BMP7: variants seen among roughly 807,000 people sequenced by gnomAD.
BMP7 encodes osteogenic protein 1.
BMP7 carries 12 observed loss-of-function variants against 41.2 expected under a neutral mutation model. The ratio of observed to expected loss-of-function variants is 0.29; its 90% CI spans 0.19 to 0.47. The LOEUF is 0.47. Ranked by LOEUF, BMP7 falls within the 20% of genes least tolerant of loss-of-function variation. BMP7 has a pLI of 0.99. For synonymous variants in BMP7, 248 were observed against 250.0 expected (o/e 0.99, Z 0.07); for missense variants, 467 against 606.0 (o/e 0.77, Z 2.41).
intron 1 of BMP7, among the ~76,000 whole-genome samples, chr20:57,245,013 C>T (rs2066084162): frequency 6.6e-6 from 1 of 152,230 alleles, no homozygotes; most frequent in South Asian, 2.1e-4. Context: ...TCTGCCTTTC[C>T]TCCATGCCCA....
intron 1 of BMP7, among the ~76,000 whole-genome samples, chr20:57,248,607 A>G (rs1229149305): frequency 6.6e-6 from 1 of 152,032 alleles, no homozygotes; most frequent in Non-Finnish European, 1.5e-5. Flanking sequence ...GAATTTGAGG[A>G]TGGTGGTAGG....
At chr20:57,178,349 G>A (rs554233084) in intron 4 of BMP7, among the ~76,000 whole-genome samples, 3 of 152,258 alleles carry the variant, frequency 2.0e-5, no homozygotes, top group African/African-American at 7.2e-5. Flanking sequence ...AGATCTGCGT[G>A]GCTGGAACCA....
intron 1 of BMP7, among the ~76,000 whole-genome samples, chr20:57,255,410 T>A (rs1166342915): frequency 6.6e-6 from 1 of 152,124 alleles, no homozygotes; most frequent in Non-Finnish European, 1.5e-5. Context: ...CCCTCTGAGG[T>A]CTACAATCCA....
intron 2 of BMP7, among the ~76,000 whole-genome samples, chr20:57,221,674 A>C (rs1434584588): frequency 1.3e-5 from 2 of 152,096 alleles, no homozygotes; most frequent in Non-Finnish European, 2.9e-5. Flanking sequence ...AGCCAGACAT[A>C]GTGGTGTGTT....
At chr20:57,188,839 G>GT (rs1984282476) in intron 3 of BMP7, among the ~76,000 whole-genome samples, 2 of 152,224 alleles carry the variant, frequency 1.3e-5, no homozygotes, top group Non-Finnish European at 2.9e-5. Context: ...ACTTTGCAAA[G>GT]GAGGAACAAG....
chr20:57,244,590 C>A (rs1223697793), intron 1 of BMP7, among the ~76,000 whole-genome samples: 2 of 152,220 alleles, frequency 1.3e-5, no homozygotes, highest in Non-Finnish European at 2.9e-5. Context: ...ACAAGTTAAC[C>A]CACCTCTGGA....
At position 57,171,154 on chromosome 20, in the gene BMP7, C is replaced by A; in HGVS notation, c.1147-46G>T. 1 of 1,613,074 alleles carries A rather than the reference C, an allele frequency of 6.2e-7. No homozygotes were observed. Among genetic ancestry groups the A allele is most frequent in the South Asian group, 1.1e-5 (1 of 90,818 alleles). ...TGGGCAGTGGTGAGAAGCGGTGAGTCGTTCTAACTGGCCTCCACGTTTCTA... is the reference window on the plus strand; with the variant it reads ...TGGGCAGTGGTGAGAAGCGGTGAGTAGTTCTAACTGGCCTCCACGTTTCTA... On this transcript the variant is annotated intron_variant, in intron 6 of 6. Coordinates refer to ENST00000395863, the MANE Select transcript of BMP7 (RefSeq NM_001719.3). The surrounding 1 kb of genome is among the most constrained non-coding windows in gnomAD (Gnocchi z 4.5).
At chr20:57,222,835 G>A (rs1985220382) in intron 2 of BMP7, among the ~76,000 whole-genome samples, 1 of 80,476 alleles carries the variant, frequency 1.2e-5, no homozygotes, top group Non-Finnish European at 2.2e-5. Context: ...AGAAACTCCA[G>A]AGGCTTCTGG....
At chr20:57,243,082 A>G (rs2066076143) in intron 1 of BMP7, among the ~76,000 whole-genome samples, 1 of 152,190 alleles carries the variant, frequency 6.6e-6, no homozygotes, top group South Asian at 2.1e-4. Flanking sequence ...AGGTGTCCCC[A>G]TCATTGAAGA....
intron 2 of BMP7, among the ~76,000 whole-genome samples, chr20:57,210,912 G>A (rs934574242): frequency 7.2e-5 from 11 of 152,238 alleles, no homozygotes; most frequent in African/African-American, 1.9e-4. Flanking sequence ...GTGGCTGAAC[G>A]AGGATTAGAC....
chr20:57,223,499 T>C (rs1243748904), intron 2 of BMP7, among the ~76,000 whole-genome samples: 1 of 152,140 alleles, frequency 6.6e-6, no homozygotes, highest in Non-Finnish European at 1.5e-5. Flanking sequence ...ATCAGCACTA[T>C]GGGAATCACT....
rs758218504 is a variant in BMP7 at position 57,202,504 on chromosome 20, C to A, written c.731G>T (p.Gly244Val). 19 of 1,608,248 alleles carry A rather than the reference C, an allele frequency of 1.2e-5. No individual in the cohort carries two copies. ...CAGCGTCTCCACCGAGAGCTGCAGG[C>A]CCAGGTTGTGCCGCGGATTGACCAC... ...HWVVNPRHNL[G>V]LQLSVETLDG... The change falls in exon 3 of 7, where the codon GGC becomes GTC. Residue 244 changes from glycine to valine, a missense_variant. This residue lies in a region of BMP7 where 407 missense variants were observed against 485.9 expected (regional missense o/e 0.84). Transcript: ENST00000395863.
At chr20:57,176,352 G>A (rs1983921637) in intron 4 of BMP7, among the ~76,000 whole-genome samples, 2 of 152,198 alleles carry the variant, frequency 1.3e-5, no homozygotes, top group Admixed American at 6.5e-5. Flanking sequence ...AGCTCTGCGG[G>A]CTGGTGAATT....
rs1186663823 is a variant in BMP7, at chr20:57,265,966, C to T, written c.157G>A (p.Glu53Lys). ...ATGGAGAGGATCTCGCGCTGCATCTCCCGCCGCTCCTGGCTGCGGAGGCGC... is the reference window on the plus strand; with the variant it reads ...ATGGAGAGGATCTCGCGCTGCATCTTCCGCCGCTCCTGGCTGCGGAGGCGC... ...HRRLRSQERR[E>K]MQREILSILG... Residue 53 changes from glutamate to lysine, a missense_variant, in exon 1 of 7, where the codon GAG becomes AAG. Physicochemically the swap from Glu to Lys is moderately conservative, Grantham distance 56. Transcript: ENST00000395863. The T allele has an allele frequency of 6.4e-7, 1 of 1,551,518 alleles. No individual in the cohort carries two copies. Among genetic ancestry groups the T allele is most frequent in the African/African-American group, 1.4e-5 (1 of 73,248 alleles).
intron 1 of BMP7, among the ~76,000 whole-genome samples, chr20:57,251,486 A>G (rs1439892539): frequency 2.0e-5 from 3 of 152,214 alleles, no homozygotes; most frequent in Non-Finnish European, 4.4e-5. Context: ...CTCAGAGCAC[A>G]TGCCTCATGT....
In BMP7 at chr20:57,183,536, A is replaced by G. The variant is rs13433113; in HGVS notation, c.958+186T>C. On this transcript the variant is annotated intron_variant, in intron 4 of 6. Transcript: ENST00000395863. ...GTTTTGCTACTTGCATTTCTAAGCT[A>G]GTTTATTTTTACAGAATTAAGATGT... Among the ~76,000 whole-genome samples, 9,449 of 152,212 alleles carry G rather than the reference A, an allele frequency of 0.062. 468 individuals are homozygous for G. Among genetic ancestry groups the G allele is most frequent in the African/African-American group, 0.13 (5,443 of 41,506 alleles).
chr20:57,177,346 T>G (rs545581929), intron 4 of BMP7, among the ~76,000 whole-genome samples: 1 of 129,944 alleles, frequency 7.7e-6, no homozygotes, highest in Non-Finnish European at 1.6e-5. Flanking sequence ...GCTTTTATTT[T>G]CATCAGCAAT....
chr20:57,235,794 G>A (rs1357038911), intron 1 of BMP7, among the ~76,000 whole-genome samples: 1 of 152,172 alleles, frequency 6.6e-6, no homozygotes, highest in Non-Finnish European at 1.5e-5. Context: ...TCAAGCTAAG[G>A]GGTTGATCAT....
intron 1 of BMP7, among the ~76,000 whole-genome samples, chr20:57,244,785 G>A (rs537084234): frequency 2.0e-5 from 3 of 152,254 alleles, no homozygotes; most frequent in South Asian, 4.2e-4. Flanking sequence ...TGAAGCTGCC[G>A]TCCTCCCTCC....
Sources: allele counts gnomAD v4.1 joint callset (sites outside exome capture counted in the v4.1 genomes callset), GRCh38; gene constraint gnomAD v4.1.1; regional missense constraint gnomAD v4.1.1; non-coding constraint Gnocchi (gnomAD v3.1); transcripts MANE v1.5; gene names NCBI Gene and HGNC (gene_info 2026-07-23, HGNC 2026-07-21).